The following FAM135B variants were observed in gnomAD, a reference collection of about 807,000 sequenced individuals.
The protein encoded by FAM135B is family with sequence similarity 135 member B, also known as protein FAM135B.
In FAM135B, 43 loss-of-function variants were observed where a neutral mutation model predicts 127.7. The observed-to-expected ratio is 0.34, with a 90% confidence interval of 0.26 to 0.43. The LOEUF (loss-of-function observed/expected upper bound fraction) is 0.43, where lower values mean the gene tolerates loss of function less well. Ranked by LOEUF, FAM135B falls within the 20% of genes least tolerant of loss-of-function variation. The pLI, the probability that FAM135B is intolerant of heterozygous loss-of-function variation, is 1.00. For missense variants in FAM135B, 1,558 were observed against 1,725.6 expected, an observed-to-expected ratio of 0.90 and a Z score of 1.72; for synonymous variants, 670 against 665.1, an observed-to-expected ratio of 1.01 and a Z score of -0.11.
At chr8:138,227,762 T>G (rs2130157757) in intron 7 of FAM135B, among the ~76,000 whole-genome samples, 1 of 150,880 alleles carries the variant, frequency 6.6e-6, no homozygotes, top group Non-Finnish European at 1.5e-5. Flanking sequence ...GTAGTTGTTT[T>G]TTGGTAAGAC....
intron 2 of FAM135B, among the ~76,000 whole-genome samples, chr8:138,337,772 T>G (rs920742776): frequency 6.6e-6 from 1 of 152,254 alleles, no homozygotes; most frequent in East Asian, 1.9e-4. Context: ...AAAGTTCATA[T>G]GGAATCAAAA....
intron 12 of FAM135B, among the ~76,000 whole-genome samples, chr8:138,160,061 G>A (rs1051951967): frequency 5.3e-5 from 8 of 151,624 alleles, no homozygotes; most frequent in Non-Finnish European, 1.2e-4. Context: ...ATTAACCCCC[G>A]ATAAACACTC....
At chr8:138,225,456 A>AAAAAAAAAACAAAAAAAC (rs1819343743) in intron 7 of FAM135B, among the ~76,000 whole-genome samples, 1 of 75,524 alleles carries the variant, frequency 1.3e-5, no homozygotes, top group South Asian at 3.0e-4. Flanking sequence ...CCAAAAAAAC[A>AAAAAAAAAACAAAAAAAC]AAAAAAAAAC....
rs189692317 is a variant in FAM135B, at chr8:138,171,913, T to C, written c.1104-3864A>G. ...GTATGCAAGTGCACATGTGTTTACA[T>C]GGACATATCTGTGTTTATACAGGTG... is the stretch of plus-strand genomic sequence containing the variant. On this transcript the variant is annotated intron_variant, in intron 11 of 19. Coordinates refer to ENST00000395297, the MANE Select transcript of FAM135B (RefSeq NM_015912.4). Among the ~76,000 whole-genome samples the C allele has an allele frequency of 7.2e-5, 11 of 152,310 alleles. No homozygotes were observed. In the East Asian group the frequency reaches 2.1e-3, roughly 29 times the overall value.
chr8:138,399,682 C>T (rs758406393), intron 1 of FAM135B, among the ~76,000 whole-genome samples: 7 of 152,114 alleles, frequency 4.6e-5, no homozygotes, highest in Non-Finnish European at 8.8e-5. Context: ...TAGAACAATG[C>T]TAAGCACACA....
intron 1 of FAM135B, among the ~76,000 whole-genome samples, chr8:138,418,027 C>T (rs752241892): frequency 7.9e-5 from 12 of 151,986 alleles, no homozygotes; most frequent in Non-Finnish European, 1.2e-4. Context: ...AAAGTTGAAA[C>T]CCAATCCAAG....
chr8:138,363,978 A>G (rs753342521), intron 2 of FAM135B, among the ~76,000 whole-genome samples: 2 of 152,160 alleles, frequency 1.3e-5, no homozygotes, highest in Admixed American at 6.5e-5. Flanking sequence ...AAGACCTTGT[A>G]GAGCACACAT....
At chr8:138,384,618 GAGAC>G (rs923782440) in intron 1 of FAM135B, among the ~76,000 whole-genome samples, 1 of 152,084 alleles carries the variant, frequency 6.6e-6, no homozygotes, top group African/African-American at 2.4e-5. Flanking sequence ...CAGAGAGAGA[GAGAC>G]AGTGTACGTG....
chr8:138,272,537 C>T (rs1399948017), intron 3 of FAM135B, among the ~76,000 whole-genome samples: 3 of 152,224 alleles, frequency 2.0e-5, no homozygotes, highest in Admixed American at 6.5e-5. Context: ...GCTGTTGCTG[C>T]TATTTAACAG....
intron 1 of FAM135B, chr8:138,477,545 A>G (rs1048970039): frequency 1.3e-5 from 2 of 152,122 alleles, no homozygotes; most frequent in Admixed American, 6.6e-5. Flanking sequence ...GTAACCTTAG[A>G]TGGCTGACAA....
At position 138,152,864 on chromosome 8, in the gene FAM135B, A is replaced by T. The variant is rs766293191; in HGVS notation, c.1611T>A (p.Ser537=). The T allele has an allele frequency of 6.2e-7, 1 of 1,614,196 alleles. No individual in the cohort carries two copies. The highest frequency in any genetic ancestry group is 2.2e-5 in the East Asian group (1 of 44,886). Residue 537 remains serine (S), a synonymous_variant, in exon 13 of 20, where the codon TCT becomes TCA. Coordinates refer to ENST00000395297, the MANE Select transcript of FAM135B (RefSeq NM_015912.4). ...GTYPVADVDT[S]RRSPGPEDGQ... ...CATCCTCTGGACCTGGACTCCTTCTAGAAGTATCCACATCTGCCACTGGAT... is the reference window on the plus strand; with the variant it reads ...CATCCTCTGGACCTGGACTCCTTCTTGAAGTATCCACATCTGCCACTGGAT...
intron 7 of FAM135B, among the ~76,000 whole-genome samples, chr8:138,218,394 C>A (rs1290253769): frequency 6.6e-6 from 1 of 152,138 alleles, no homozygotes; most frequent in Non-Finnish European, 1.5e-5. Flanking sequence ...AGCAATATGT[C>A]CTGCTCACAA....
At chr8:138,260,145 C>T (rs1158891125) in intron 4 of FAM135B, among the ~76,000 whole-genome samples, 3 of 152,158 alleles carry the variant, frequency 2.0e-5, no homozygotes, top group Non-Finnish European at 4.4e-5. Context: ...AAGTTTATTA[C>T]CCACAAACTG....
intron 3 of FAM135B, among the ~76,000 whole-genome samples, chr8:138,272,100 T>C (rs1484868182): frequency 1.3e-5 from 2 of 152,120 alleles, no homozygotes; most frequent in East Asian, 3.9e-4. Flanking sequence ...ATTCTGTCAC[T>C]GGTAAAGATA....
intron 1 of FAM135B, among the ~76,000 whole-genome samples, chr8:138,409,175 T>C (rs1386196741): frequency 6.6e-6 from 1 of 152,120 alleles, no homozygotes; most frequent in East Asian, 1.9e-4. Flanking sequence ...ACTTGTCCAC[T>C]TAGAGGACAC....
At chr8:138,158,194 G>A (rs999023188) in intron 12 of FAM135B, among the ~76,000 whole-genome samples, 2 of 152,166 alleles carry the variant, frequency 1.3e-5, no homozygotes, top group African/African-American at 4.8e-5. Flanking sequence ...AACAAGAAAT[G>A]GGTAAAGGAT....
chr8:138,234,962 T>C (rs1477939643), intron 7 of FAM135B, among the ~76,000 whole-genome samples: 1 of 152,218 alleles, frequency 6.6e-6, no homozygotes, highest in Non-Finnish European at 1.5e-5. Context: ...CCTTCATCCA[T>C]AAAACAAGTA....
intron 2 of FAM135B, among the ~76,000 whole-genome samples, chr8:138,330,413 G>A (rs1828086196): frequency 6.6e-6 from 1 of 152,118 alleles, no homozygotes; most frequent in South Asian, 2.1e-4. Flanking sequence ...ACAGGCACAT[G>A]GCAGGCCCAC....
At chr8:138,406,361 A>C (rs1833490866) in intron 1 of FAM135B, among the ~76,000 whole-genome samples, 1 of 152,144 alleles carries the variant, frequency 6.6e-6, no homozygotes, top group Non-Finnish European at 1.5e-5. Context: ...TCCTTCTGAA[A>C]CTATTCCAAT....
Sources: gnomAD v4.1 joint callset for allele counts (sites outside exome capture counted in the v4.1 genomes callset) on GRCh38, gnomAD v4.1.1 for gene constraint, MANE v1.5 for transcripts, NCBI Gene and HGNC (gene_info 2026-07-23, HGNC 2026-07-21) for gene names.